DCC: variants seen among roughly 807,000 people sequenced by gnomAD.
The protein encoded by DCC is netrin receptor DCC.
A neutral mutation model predicts 172.5 loss-of-function variants in DCC; 58 were observed. The observed-to-expected ratio is 0.34, with a 90% CI of 0.27 to 0.42. The LOEUF is 0.42. DCC is among the 10% of genes least tolerant of loss of function. The pLI is 1.00. For synonymous variants in DCC, 709 were observed against 644.5 expected (o/e 1.10, Z -1.52); for missense variants, 1,740 against 1,791.0 (o/e 0.97, Z 0.51).
At chr18:52,712,311 C>G (rs1033489274) in intron 1 of DCC, among the ~76,000 whole-genome samples, 2 of 152,098 alleles carry the variant, frequency 1.3e-5, no homozygotes, top group South Asian at 2.1e-4. Context: ...ATTAAGCACA[C>G]CACTATATGT....
chr18:53,475,484 G>A (rs1333688282), intron 25 of DCC, among the ~76,000 whole-genome samples: 1 of 152,234 alleles, frequency 6.6e-6, no homozygotes, highest in African/African-American at 2.4e-5. Context: ...TGCTCCAGCT[G>A]TGGCTGAAAG....
chr18:52,432,994 A>G (rs1987675455), intron 1 of DCC, among the ~76,000 whole-genome samples: 1 of 152,186 alleles, frequency 6.6e-6, no homozygotes, highest in South Asian at 2.1e-4. Flanking sequence ...TAAAACAACA[A>G]AGAATCTGAA....
At chr18:52,966,924 A>G (rs938189094) in intron 5 of DCC, among the ~76,000 whole-genome samples, 1 of 152,190 alleles carries the variant, frequency 6.6e-6, no homozygotes, top group Non-Finnish European at 1.5e-5. Flanking sequence ...CTTTCCTGCT[A>G]TGTAAGAGGA....
intron 2 of DCC, among the ~76,000 whole-genome samples, chr18:52,903,478 A>G (rs1015700711): frequency 5.3e-5 from 8 of 152,302 alleles, no homozygotes; most frequent in African/African-American, 1.9e-4. Context: ...AAATGCTGGG[A>G]TTACAGGTGT....
At chr18:53,100,101 C>A (rs2043147481) in intron 7 of DCC, among the ~76,000 whole-genome samples, 1 of 151,856 alleles carries the variant, frequency 6.6e-6, no homozygotes, top group African/African-American at 2.4e-5. Context: ...CAGGCACCAC[C>A]ACGCCTGGTT....
intron 12 of DCC, among the ~76,000 whole-genome samples, chr18:53,283,416 G>A (rs1448801437): frequency 6.6e-6 from 1 of 151,976 alleles, no homozygotes; most frequent in Non-Finnish European, 1.5e-5. Context: ...TTCAGGCTCA[G>A]AGTCTTTAAT....
At chr18:52,674,959 A>G (rs2035624227) in intron 1 of DCC, among the ~76,000 whole-genome samples, 1 of 152,178 alleles carries the variant, frequency 6.6e-6, no homozygotes, top group Admixed American at 6.5e-5. Flanking sequence ...TACGAAGCCT[A>G]CTACCTGGAG....
chr18:53,060,335 A>C lies in DCC; in HGVS notation c.986-2970A>C, dbSNP rs374665054. Among the ~76,000 whole-genome samples the C allele has an allele frequency of 4.6e-5, 7 of 152,144 alleles. No homozygotes were observed. In the East Asian group the frequency reaches 9.7e-4, roughly 21 times the overall value. Reference sequence around the variant, plus strand: ...ACAGTACCTGGTTAGACTTAGACTCATTTCTGATTCACAATATTGCTGTTT... The same window carrying C: ...ACAGTACCTGGTTAGACTTAGACTCCTTTCTGATTCACAATATTGCTGTTT... On this transcript the variant is annotated intron_variant, in intron 5 of 28. Coordinates refer to ENST00000442544, the MANE Select transcript of DCC (RefSeq NM_005215.4).
intron 1 of DCC, among the ~76,000 whole-genome samples, chr18:52,536,232 A>T (rs1285609415): frequency 6.6e-6 from 1 of 152,086 alleles, no homozygotes; most frequent in East Asian, 1.9e-4. Context: ...GGTCTCATAT[A>T]CCAGGCTTTC....
chr18:53,428,319 A>AGT (rs1568125740), intron 21 of DCC, among the ~76,000 whole-genome samples: 1 of 16,688 alleles, frequency 6.0e-5, no homozygotes, highest in African/African-American at 1.2e-4. Flanking sequence ...TATAATATAT[A>AGT]ATATAATATA....
chr18:52,489,697 T>G (rs190413471), intron 1 of DCC, among the ~76,000 whole-genome samples: 2 of 152,102 alleles, frequency 1.3e-5, no homozygotes, highest in African/African-American at 4.8e-5. Flanking sequence ...AAGATGGTGC[T>G]TCCCTCACTC....
rs952163091 is a variant in DCC, at chr18:53,533,868, G to A, written c.*3215G>A. 7.2e-5 allele frequency: 11 copies of A among 152,288 alleles called. No individual in the cohort carries two copies. Among genetic ancestry groups the A allele is most frequent in the Non-Finnish European group, 1.0e-4 (7 of 68,016 alleles). 9.4% of individuals were successfully genotyped at this position (152,288 alleles called of 1,614,324 possible). ...TCAAAATAGGGATTATTCAAAATTA[G>A]GTGTATGTTCAATCTCCTGCTTTGG... On this transcript the variant is annotated 3_prime_UTR_variant, in exon 29 of 29. Transcript: ENST00000442544.
intron 5 of DCC, among the ~76,000 whole-genome samples, chr18:52,969,789 TCCCTGCCAG>T (rs1235028735): frequency 1.3e-5 from 2 of 152,118 alleles, no homozygotes; most frequent in Non-Finnish European, 2.9e-5. Context: ...CACAATCAGA[TCCCTGCCAG>T]CCTTCCTAGC....
chr18:53,466,882 G>A (rs1183932705), intron 24 of DCC, among the ~76,000 whole-genome samples: 1 of 152,168 alleles, frequency 6.6e-6, no homozygotes, highest in East Asian at 1.9e-4. Flanking sequence ...AGGATGTGTG[G>A]ACAGAGTTAG....
chr18:53,226,949 T>TATATATATATATATATA (rs1555734428), intron 12 of DCC, among the ~76,000 whole-genome samples: 7 of 47,444 alleles, frequency 1.5e-4, no homozygotes, highest in African/African-American at 2.3e-4. Context: ...TATATATATA[T>TATATATATATATATATA]TTTTTTTTTT....
chr18:53,379,053 T>C (rs1385241121), intron 15 of DCC, among the ~76,000 whole-genome samples: 1 of 152,234 alleles, frequency 6.6e-6, no homozygotes, highest in African/African-American at 2.4e-5. Flanking sequence ...ATATTGTCTC[T>C]CCACCCACTA....
intron 1 of DCC, among the ~76,000 whole-genome samples, chr18:52,421,276 C>T (rs1398590104): frequency 6.6e-6 from 1 of 152,092 alleles, no homozygotes; most frequent in Non-Finnish European, 1.5e-5. Flanking sequence ...GACCAGGTGT[C>T]TGATGCGCAA....
intron 1 of DCC, among the ~76,000 whole-genome samples, chr18:52,453,549 C>A (rs1197752095): frequency 1.3e-5 from 2 of 152,150 alleles, no homozygotes; most frequent in African/African-American, 4.8e-5. Context: ...ATTAAGCATG[C>A]ATTTCTGCAG....
At chr18:52,567,202 G>A (rs1247856519) in intron 1 of DCC, among the ~76,000 whole-genome samples, 1 of 151,812 alleles carries the variant, frequency 6.6e-6, no homozygotes, top group Non-Finnish European at 1.5e-5. Context: ...AACTTTATAG[G>A]TATATACCTA....
Sources: allele counts gnomAD v4.1 joint callset (sites outside exome capture counted in the v4.1 genomes callset), GRCh38; gene constraint gnomAD v4.1.1; transcripts MANE v1.5; gene names NCBI Gene and HGNC (gene_info 2026-07-23, HGNC 2026-07-21).